The following PCDHA12 variants were observed in gnomAD, a reference collection of about 807,000 sequenced individuals.
The protein encoded by PCDHA12 is protocadherin alpha 12.
In PCDHA12, 44 loss-of-function variants were observed where a neutral mutation model predicts 60.0. The observed-to-expected ratio is 0.73, with a 90% CI of 0.58 to 0.94. PCDHA12 has a LOEUF of 0.94. PCDHA12 is among the 40% of genes least tolerant of loss of function. The probability of loss-of-function intolerance (pLI) is 0.00; values close to 1 mark genes in which losing one functional copy is unlikely to be tolerated. For synonymous variants in PCDHA12, 569 were observed against 553.0 expected, an observed-to-expected ratio of 1.03 and a Z score of -0.40; for missense variants, 1,276 against 1,239.7, an observed-to-expected ratio of 1.03 and a Z score of -0.44.
chr5:140,974,744 T>A (rs966437450), intron 1 of PCDHA12, among the ~76,000 whole-genome samples: 11 of 152,144 alleles, frequency 7.2e-5, no homozygotes, highest in African/African-American at 2.4e-4. Context: ...CACCTTGGCC[T>A]CCCAAAGTGC....
intron 1 of PCDHA12, chr5:140,966,557 G>T: frequency 2.1e-6 from 1 of 477,538 alleles, no homozygotes; most frequent in Non-Finnish European, 3.5e-6. Context: ...GAGCGGAGGA[G>T]CTGGAATATG....
chr5:140,951,544 G>T (rs543008494), intron 1 of PCDHA12, among the ~76,000 whole-genome samples: 1 of 151,878 alleles, frequency 6.6e-6, no homozygotes, highest in Non-Finnish European at 1.5e-5. Flanking sequence ...AGCAAGGGAC[G>T]GGGGGAAGTG....
intron 1 of PCDHA12, among the ~76,000 whole-genome samples, chr5:140,926,146 G>T (rs553563976): frequency 6.6e-5 from 10 of 152,056 alleles, no homozygotes; most frequent in Non-Finnish European, 1.3e-4. Context: ...GATCCAGCGC[G>T]GAAAGCTCTG....
At chr5:140,903,636 T>C (rs1330875573) in intron 1 of PCDHA12, among the ~76,000 whole-genome samples, 3 of 152,236 alleles carry the variant, frequency 2.0e-5, no homozygotes, top group African/African-American at 7.2e-5. Context: ...TGTATGCATA[T>C]ACCATATACA....
intron 1 of PCDHA12, among the ~76,000 whole-genome samples, chr5:140,937,959 T>C (rs1344033743): frequency 5.3e-5 from 8 of 152,142 alleles, no homozygotes; most frequent in African/African-American, 1.9e-4. Context: ...TTGTTGAAAG[T>C]ATATAGAAAT....
intron 1 of PCDHA12, chr5:140,927,108 C>A (rs782811125): frequency 6.2e-7 from 1 of 1,613,646 alleles, no homozygotes; most frequent in Non-Finnish European, 8.5e-7. Context: ...ATCTACCCAG[C>A]GGCAATTTGG....
intron 1 of PCDHA12, among the ~76,000 whole-genome samples, chr5:140,943,307 T>C (rs1554215574): frequency 6.7e-6 from 1 of 149,570 alleles, no homozygotes; most frequent in Non-Finnish European, 1.5e-5. Flanking sequence ...TGGGAAGTCA[T>C]TATTAGCAAT....
Position 140,877,468 on chromosome 5 carries a change from C to T in PCDHA12, c.1996C>T (p.Leu666=). 1 of 1,613,808 alleles carries T rather than the reference C, an allele frequency of 6.2e-7. No individual in the cohort carries two copies. Among genetic ancestry groups the T allele is most frequent in the Non-Finnish European group, 8.5e-7 (1 of 1,179,842 alleles). The change falls in exon 1 of 4, where the codon CTG becomes TTG. Residue 666 remains leucine, a synonymous_variant. Transcript: ENST00000398631. ...EPALTSTATV[L]VSLVENGQAP... ...CGCGCTGACGTCCACGGCCACGGTG[C>T]TGGTGTCGCTGGTGGAGAACGGCCA...
At chr5:140,941,255 C>CTTTT (rs782490896) in intron 1 of PCDHA12, among the ~76,000 whole-genome samples, 1 of 44,504 alleles carries the variant, frequency 2.2e-5, no homozygotes, top group Non-Finnish European at 5.1e-5. Flanking sequence ...TTCTTTCTTT[C>CTTTT]TCTTTCTTTC....
chr5:140,930,453 C>G (rs1195640207), intron 1 of PCDHA12: 6 of 152,300 alleles, frequency 3.9e-5, no homozygotes, highest in African/African-American at 1.5e-4. Flanking sequence ...AAACTCCTAG[C>G]CTCAAGTGAT....
chr5:140,967,645 G>A lies in PCDHA12; in HGVS notation c.2368-11304G>A, dbSNP rs782043521. ...ATGAGGGCTCCAATGGTGAGCTCAG[G>A]TACTCCTTGAGCAGCTACACGTCGG... On this transcript the variant is annotated intron_variant, in intron 1 of 3. Transcript: ENST00000398631. 1.9e-5 allele frequency: 30 copies of A among 1,614,144 alleles called. 1 individual carries two copies. In the South Asian group the frequency reaches 3.2e-4, roughly 17 times the overall value.
intron 1 of PCDHA12, among the ~76,000 whole-genome samples, chr5:140,932,061 T>G (rs1009983968): frequency 5.3e-5 from 8 of 152,046 alleles, no homozygotes; most frequent in African/African-American, 1.9e-4. Flanking sequence ...TACTAAAAAT[T>G]ATCAGTTTAA....
At chr5:140,990,507 T>C (rs1554251511) in intron 3 of PCDHA12, among the ~76,000 whole-genome samples, 1 of 152,158 alleles carries the variant, frequency 6.6e-6, no homozygotes, top group East Asian at 1.9e-4. Context: ...CCCCAAGTCT[T>C]CTCTCTTGTC....
At chr5:140,967,475 C>T (rs555659207) in intron 1 of PCDHA12, 1 of 1,613,342 alleles carries the variant, frequency 6.2e-7, no homozygotes, top group South Asian at 1.1e-5. Context: ...CATCCCAGCC[C>T]GCTCGGGTAC....
rs533936031 is a variant in PCDHA12, at chr5:140,883,438, G to A, written c.2367+5599G>A. 14 of 1,614,132 alleles carry A rather than the reference G, an allele frequency of 8.7e-6. No individual in the cohort carries two copies. The South Asian group carries it at 1.3e-4, about 15-fold the overall frequency. ...ATGGACAGGTCACCTGCACCTTGAC[G>A]CCGCATGTCCCCTTCAAGCTGGTGT... On this transcript the variant is annotated intron_variant, in intron 1 of 3. Coordinates refer to ENST00000398631, the MANE Select transcript of PCDHA12 (RefSeq NM_018903.4).
chr5:140,997,610 C>A (rs1223241020), intron 3 of PCDHA12, among the ~76,000 whole-genome samples: 1 of 151,776 alleles, frequency 6.6e-6, no homozygotes, highest in Non-Finnish European at 1.5e-5. Flanking sequence ...GGGCGCATGA[C>A]TATATAGAGA....
chr5:140,927,275 A>G, intron 1 of PCDHA12: 1 of 1,614,124 alleles, frequency 6.2e-7, no homozygotes, highest in Non-Finnish European at 8.5e-7. Flanking sequence ...CCTGCCGGCG[A>G]CGTGCAGCTG....
intron 1 of PCDHA12, chr5:140,928,625 A>T: frequency 6.2e-7 from 1 of 1,614,224 alleles, no homozygotes; most frequent in African/African-American, 1.3e-5. Flanking sequence ...AGGACTGGAC[A>T]CTTGGTCACA....
intron 1 of PCDHA12, chr5:140,967,346 G>C (rs1332345482): frequency 6.2e-7 from 1 of 1,607,970 alleles, no homozygotes; most frequent in Non-Finnish European, 8.5e-7. Context: ...CGAGCACTTC[G>C]AGCTGGACCT....
Sources: allele counts gnomAD v4.1 joint callset (sites outside exome capture counted in the v4.1 genomes callset), GRCh38; gene constraint gnomAD v4.1.1; transcripts MANE v1.5; gene names NCBI Gene and HGNC (gene_info 2026-07-23, HGNC 2026-07-21).